Variants in TMEM116 observed in about 807,000 individuals in gnomAD.
The protein encoded by TMEM116 is transmembrane protein 116.
TMEM116 carries 38 observed loss-of-function variants against 44.3 expected under a neutral mutation model. The ratio of observed to expected loss-of-function variants is 0.86; its 90% CI spans 0.66 to 1.12. TMEM116 has a LOEUF of 1.12. Among genes scored for constraint, TMEM116 ranks in the 50% most tolerant of loss-of-function variants. The pLI is 0.00. For missense variants in TMEM116, 354 were observed against 401.7 expected, an observed-to-expected ratio of 0.88 and a Z score of 1.01; for synonymous variants, 132 against 144.8, an observed-to-expected ratio of 0.91 and a Z score of 0.64.
intron 4 of TMEM116, among the ~76,000 whole-genome samples, chr12:111,988,957 A>G (rs1227475972): frequency 3.9e-5 from 6 of 152,194 alleles, no homozygotes; most frequent in African/African-American, 1.4e-4. Flanking sequence ...ATGCCATTGC[A>G]CTCCAGCCTG....
At chr12:111,964,792 A>T (rs1385071930) in intron 4 of TMEM116, among the ~76,000 whole-genome samples, 1 of 152,050 alleles carries the variant, frequency 6.6e-6, no homozygotes, top group Non-Finnish European at 1.5e-5. Context: ...GGTGCAAGTG[A>T]TCCTCTCACT....
At chr12:111,989,480 C>T (rs1400445113) in intron 4 of TMEM116, among the ~76,000 whole-genome samples, 1 of 152,208 alleles carries the variant, frequency 6.6e-6, no homozygotes, top group Non-Finnish European at 1.5e-5. Flanking sequence ...GCTTATAGAA[C>T]TAAATTGAGA....
chr12:111,993,234 G>T, intron 3 of TMEM116: 1 of 430,652 alleles, frequency 2.3e-6, no homozygotes, highest in Non-Finnish European at 4.7e-6. Context: ...ACACACTGCG[G>T]TCATTCCCCT....
intron 3 of TMEM116, among the ~76,000 whole-genome samples, chr12:111,998,312 T>C (rs566656986): frequency 3.3e-5 from 5 of 152,308 alleles, no homozygotes; most frequent in Admixed American, 6.5e-5. Flanking sequence ...ATTGGACTAT[T>C]TTAGTAGCTG....
rs185188900 is a variant in TMEM116 at position 111,938,259 on chromosome 12, A to G, written c.316-49T>C. 379 of 1,324,530 alleles carry G rather than the reference A, an allele frequency of 2.9e-4. 3 individuals carry two copies. The African/African-American group carries it at 5.1e-3, about 18-fold the overall frequency. 82.0% of individuals were successfully genotyped at this position (1,324,530 alleles called of 1,614,324 possible). A position where few individuals can be genotyped will look rare whatever the true frequency, so the allele number is the denominator to read the frequency against. On this transcript the variant is annotated intron_variant, in intron 5 of 10. Coordinates refer to ENST00000552374, the MANE Select transcript of TMEM116 (RefSeq NM_001193531.2). The stretch of plus-strand genomic sequence containing the variant: ...AATGTCTTAAGACATTGTCAATCAT[A>G]TAATAATAAATACCAGATCATCAGT...
intron 5 of TMEM116, among the ~76,000 whole-genome samples, chr12:111,940,414 G>C (rs960042752): frequency 1.4e-5 from 2 of 147,360 alleles, no homozygotes; most frequent in African/African-American, 2.5e-5. Context: ...TCAGGCTGGA[G>C]TGCAGTGGTA....
In TMEM116 at chr12:112,005,275, A is replaced by T. The variant is rs749119646; in HGVS notation, c.-5T>A. On this transcript the variant is annotated 5_prime_UTR_variant, in exon 2 of 11. It adds an upstream start codon to the 5' untranslated region. Coordinates refer to ENST00000552374, the MANE Select transcript of TMEM116 (RefSeq NM_001193531.2). ...AACATACCTCAGAGTAGCCATGACA[A>T]ATTGTATCCACTGTATTGCAGGAAG... 410 of 1,337,306 alleles carry T rather than the reference A, an allele frequency of 3.1e-4. No homozygotes were observed. The highest frequency in any genetic ancestry group is 3.8e-4 in the Non-Finnish European group (395 of 1,048,304). The allele number at this position is 1,337,306 out of a possible 1,614,324, so 82.8% of individuals were successfully genotyped here.
intron 1 of TMEM116, chr12:112,005,873 T>C: frequency 1.1e-6 from 1 of 939,482 alleles, no homozygotes; most frequent in Non-Finnish European, 1.3e-6. Flanking sequence ...TGAAAAGAGA[T>C]TGTGAGTGAA....
At chr12:111,950,596 C>G (rs1312435577) in intron 4 of TMEM116, among the ~76,000 whole-genome samples, 1 of 151,986 alleles carries the variant, frequency 6.6e-6, no homozygotes, top group Non-Finnish European at 1.5e-5. Context: ...ACTCCCTATT[C>G]AATAAATGGT....
chr12:111,973,661 G>A (rs748428128), intron 4 of TMEM116, among the ~76,000 whole-genome samples: 18 of 152,048 alleles, frequency 1.2e-4, no homozygotes, highest in African/African-American at 4.3e-4. Flanking sequence ...AGATCAAAGC[G>A]GAAATCAAGG....
intron 4 of TMEM116, among the ~76,000 whole-genome samples, chr12:111,954,504 TTTC>T (rs1213436479): frequency 2.0e-5 from 3 of 152,230 alleles, no homozygotes; most frequent in Non-Finnish European, 4.4e-5. Context: ...TGTTATCTAA[TTTC>T]TTCTTCACAA....
intron 4 of TMEM116, among the ~76,000 whole-genome samples, chr12:111,967,520 T>C (rs1430731759): frequency 6.6e-6 from 1 of 151,980 alleles, no homozygotes; most frequent in African/African-American, 2.4e-5. Context: ...ATATATATTA[T>C]AAGTTATTTA....
At chr12:112,011,094 C>G in intron 1 of TMEM116, 1 of 152,248 alleles carries the variant, frequency 6.6e-6, no homozygotes, top group Non-Finnish European at 1.5e-5. Context: ...CACTCCTGAG[C>G]CTGCAGGGAT....
intron 4 of TMEM116, among the ~76,000 whole-genome samples, chr12:111,965,099 TTTTC>T (rs2136416283): frequency 6.6e-6 from 1 of 152,334 alleles, no homozygotes; most frequent in Admixed American, 6.5e-5. Flanking sequence ...AGGTGACTGG[TTTTC>T]TTTCTTTACT....
At chr12:111,941,228 T>C (rs973104064) in intron 5 of TMEM116, among the ~76,000 whole-genome samples, 1 of 152,000 alleles carries the variant, frequency 6.6e-6, no homozygotes, top group African/African-American at 2.4e-5. Flanking sequence ...ATACAAAAAT[T>C]AGCTGGGTGT....
At chr12:111,977,604 G>A (rs2075739013) in intron 4 of TMEM116, among the ~76,000 whole-genome samples, 1 of 151,750 alleles carries the variant, frequency 6.6e-6, no homozygotes, top group African/African-American at 2.4e-5. Context: ...CAGTAAATTC[G>A]GATCTACATA....
At chr12:111,949,306 T>C (rs2073534537) in intron 4 of TMEM116, among the ~76,000 whole-genome samples, 1 of 152,184 alleles carries the variant, frequency 6.6e-6, no homozygotes, top group South Asian at 2.1e-4. Flanking sequence ...CTTATAACAA[T>C]ATAGTTGATT....
At chr12:111,946,871 A>G (rs1296462004) in intron 4 of TMEM116, among the ~76,000 whole-genome samples, 1 of 152,158 alleles carries the variant, frequency 6.6e-6, no homozygotes, top group Non-Finnish European at 1.5e-5. Flanking sequence ...GGTCATCCCC[A>G]AGGTCTGATT....
chr12:111,972,902 C>T (rs1218963086), intron 4 of TMEM116, among the ~76,000 whole-genome samples: 3 of 151,594 alleles, frequency 2.0e-5, no homozygotes, highest in Admixed American at 6.6e-5. Context: ...AAAAAAAACA[C>T]GCCAAGGCAG....
Sources: gnomAD v4.1 joint callset for allele counts (sites outside exome capture counted in the v4.1 genomes callset) on GRCh38, gnomAD v4.1.1 for gene constraint, MANE v1.5 for transcripts, NCBI Gene and HGNC (gene_info 2026-07-23, HGNC 2026-07-21) for gene names.